Variants in HDAC9 observed in about 807,000 individuals in gnomAD.
The protein encoded by HDAC9 is MEF-2 interacting transcription repressor (MITR) protein.
HDAC9 carries 41 observed loss-of-function variants against 139.4 expected under a neutral mutation model. The observed-to-expected ratio is 0.29, with a 90% confidence interval of 0.23 to 0.38. HDAC9 has a LOEUF of 0.38. Ranked by LOEUF, HDAC9 falls within the 10% of genes least tolerant of loss-of-function variation. The pLI is 1.00. For missense variants in HDAC9, 1,147 were observed against 1,297.0 expected (o/e 0.88, Z 1.78); for synonymous variants, 517 against 476.2 (o/e 1.09, Z -1.12).
intron 15 of HDAC9, among the ~76,000 whole-genome samples, chr7:18,764,037 C>A (rs776519865): frequency 1.1e-4 from 16 of 151,884 alleles, no homozygotes; most frequent in Admixed American, 2.0e-4. Context: ...TAAAACATGG[C>A]GATGTTTTTT....
At chr7:18,337,914 T>G (rs1177147002) in intron 1 of HDAC9, among the ~76,000 whole-genome samples, 1 of 151,788 alleles carries the variant, frequency 6.6e-6, no homozygotes, top group East Asian at 1.9e-4. Context: ...TTTTCTCATC[T>G]GTAAAATAAA....
intron 21 of HDAC9, among the ~76,000 whole-genome samples, chr7:18,853,991 A>G (rs1455307754): frequency 6.6e-6 from 1 of 152,166 alleles, no homozygotes; most frequent in African/African-American, 2.4e-5. Context: ...GCCAAGGAAA[A>G]TGTAGTTCAC....
intron 22 of HDAC9, among the ~76,000 whole-genome samples, chr7:18,902,110 A>T (rs1312679057): frequency 6.6e-6 from 1 of 152,236 alleles, no homozygotes; most frequent in African/African-American, 2.4e-5. Flanking sequence ...CTCTGGAATG[A>T]GTCTCAGGGA....
chr7:18,689,663 C>T (rs1031793024), intron 12 of HDAC9, among the ~76,000 whole-genome samples: 2 of 151,916 alleles, frequency 1.3e-5, no homozygotes, highest in Admixed American at 1.3e-4. Flanking sequence ...AGCAACAAGG[C>T]CTAGTGCTTA....
intron 1 of HDAC9, among the ~76,000 whole-genome samples, chr7:18,449,230 C>G (rs1562998716): frequency 6.6e-6 from 1 of 152,016 alleles, no homozygotes; most frequent in Non-Finnish European, 1.5e-5. Flanking sequence ...AGCAATGTGC[C>G]TCAAAATTAG....
intron 17 of HDAC9, among the ~76,000 whole-genome samples, chr7:18,818,924 C>A (rs1391348157): frequency 6.6e-6 from 1 of 152,040 alleles, no homozygotes; most frequent in Admixed American, 6.6e-5. Context: ...TTAATTTGCA[C>A]TTTCTTATTT....
intron 2 of HDAC9, among the ~76,000 whole-genome samples, chr7:18,563,647 A>C (rs1821305717): frequency 6.6e-6 from 1 of 152,180 alleles, no homozygotes; most frequent in African/African-American, 2.4e-5. Context: ...TTATCTATTC[A>C]AATCATCAGT....
chr7:18,810,698 G>A (rs2520349), intron 17 of HDAC9, among the ~76,000 whole-genome samples: 7,092 of 151,866 alleles, frequency 0.047, 558 homozygotes, highest in African/African-American at 0.16. Flanking sequence ...ATCATAGGCA[G>A]ACACTGATCT....
At chr7:18,818,580 G>C (rs1419440783) in intron 17 of HDAC9, among the ~76,000 whole-genome samples, 1 of 152,180 alleles carries the variant, frequency 6.6e-6, no homozygotes, top group East Asian at 1.9e-4. Flanking sequence ...TTAGTAAGTA[G>C]CTAGCAGGAC....
chr7:18,647,991 T>C lies in HDAC9; in HGVS notation c.1242T>C (p.Leu414=), dbSNP rs2129029953. Reference sequence around the variant, plus strand: ...AACAAATGCGACAGCAAAAGCTTCTTGTAGCTGGTAATTCATTATGGCACC... The same window carrying C: ...AACAAATGCGACAGCAAAAGCTTCTCGTAGCTGGTAATTCATTATGGCACC... ...LKEQMRQQKL[L]VAGGVPLHPQ... Residue 414 remains leucine, a synonymous_variant, in exon 10 of 26, where the codon CTT becomes CTC. Transcript: ENST00000686413. 6.2e-7 allele frequency: 1 copy of C among 1,605,884 alleles called. No homozygotes were observed. Among genetic ancestry groups the C allele is most frequent in the East Asian group, 2.2e-5 (1 of 44,472 alleles).
intron 1 of HDAC9, among the ~76,000 whole-genome samples, chr7:18,156,603 T>G (rs186676070): frequency 1.1e-4 from 16 of 152,356 alleles, no homozygotes; most frequent in Non-Finnish European, 1.6e-4. Context: ...TCAGGTACTC[T>G]ACTAGGTGTG....
chr7:18,144,186 A>T (rs1020797322), intron 1 of HDAC9, among the ~76,000 whole-genome samples: 2 of 152,060 alleles, frequency 1.3e-5, no homozygotes, highest in Non-Finnish European at 2.9e-5. Flanking sequence ...ATTTGGAAAT[A>T]AAAAAAAGGA....
intron 2 of HDAC9, chr7:18,543,823 C>T (rs1181465716): frequency 6.8e-6 from 1 of 146,088 alleles, no homozygotes; most frequent in African/African-American, 2.5e-5. Flanking sequence ...ATCTGAGGGA[C>T]AAGCATTCTA....
chr7:18,724,572 T>A (rs961279039), intron 12 of HDAC9, among the ~76,000 whole-genome samples: 3 of 152,104 alleles, frequency 2.0e-5, no homozygotes, highest in Admixed American at 6.6e-5. Flanking sequence ...ACTGTAGACA[T>A]CATAAACACT....
intron 16 of HDAC9, among the ~76,000 whole-genome samples, chr7:18,786,507 T>TTCCTTCCTTCCTTC (rs1562940539): frequency 6.8e-5 from 9 of 132,094 alleles, no homozygotes; most frequent in African/African-American, 9.2e-5. Flanking sequence ...CCTTCCTTCC[T>TTCCTTCCTTCCTTC]CTCTCTCATG....
At chr7:18,119,328 G>A (rs929979001) in intron 1 of HDAC9, among the ~76,000 whole-genome samples, 3 of 152,320 alleles carry the variant, frequency 2.0e-5, no homozygotes, top group Middle Eastern at 3.4e-3. Flanking sequence ...TGTTGGAATA[G>A]GTCTTAGAGG....
chr7:18,183,009 T>C (rs867117361), intron 2 of HDAC9, among the ~76,000 whole-genome samples: 25 of 140,624 alleles, frequency 1.8e-4, no homozygotes, highest in Admixed American at 4.2e-4. Context: ...ACTTAACATA[T>C]GATTTTTTTT....
chr7:18,839,339 C>G (rs530391560), intron 21 of HDAC9, among the ~76,000 whole-genome samples: 2 of 152,108 alleles, frequency 1.3e-5, no homozygotes, highest in African/African-American at 4.8e-5. Context: ...ACAATCTATG[C>G]TCCTTTTCTC....
intron 21 of HDAC9, among the ~76,000 whole-genome samples, chr7:18,843,205 T>C (rs186659331): frequency 2.0e-5 from 3 of 152,170 alleles, no homozygotes; most frequent in Non-Finnish European, 1.5e-5. Flanking sequence ...AGGTAATTTG[T>C]ATGCCTAGAA....
Sources: gnomAD v4.1 joint callset for allele counts (sites outside exome capture counted in the v4.1 genomes callset) on GRCh38, gnomAD v4.1.1 for gene constraint, MANE v1.5 for transcripts, NCBI Gene and HGNC (gene_info 2026-07-23, HGNC 2026-07-21) for gene names.